Variants in MLLT10 observed in about 807,000 individuals in gnomAD.
MLLT10 encodes the protein protein AF-10.
MLLT10 carries 30 observed loss-of-function variants against 129.1 expected under a neutral mutation model. The observed-to-expected ratio is 0.23, with a 90% CI of 0.17 to 0.32. The LOEUF (loss-of-function observed/expected upper bound fraction) is 0.32, where lower values mean the gene tolerates loss of function less well. MLLT10 is among the 10% of genes least tolerant of loss of function. MLLT10 has a pLI of 1.00. For synonymous variants in MLLT10, 490 were observed against 446.4 expected, an observed-to-expected ratio of 1.10 and a Z score of -1.23; for missense variants, 1,119 against 1,268.3, an observed-to-expected ratio of 0.88 and a Z score of 1.79.
chr10:21,734,026 G>T lies in MLLT10; in HGVS notation c.2755G>T (p.Val919Phe), dbSNP rs753927618. ...TGGCATTGTAGGAGCTTTAAATGGG[G>T]TTATGCAGACTCCTGTCACAATGTC... ...INGIVGALNGVMQTPVTMSQN... is the reference protein window; with the variant it reads ...INGIVGALNGFMQTPVTMSQN... Residue 919 changes from valine (V) to phenylalanine (F), a missense_variant, in exon 20 of 23, where the codon GTT becomes TTT. Val to Phe is a conservative substitution (Grantham distance 50). Around this residue, in one of 5 missense-constraint regions of MLLT10, gnomAD observed 1,004 missense variants for 1,008.7 expected, o/e 1.00. Coordinates refer to ENST00000307729, the MANE Select transcript of MLLT10 (RefSeq NM_001195626.3). 6.2e-7 allele frequency: 1 copy of T among 1,614,124 alleles called. No homozygotes were observed. The highest frequency in any genetic ancestry group is 1.7e-5 in the Admixed American group (1 of 60,012).
At chr10:21,663,752 G>A (rs1242287338) in intron 9 of MLLT10, among the ~76,000 whole-genome samples, 1 of 152,024 alleles carries the variant, frequency 6.6e-6, no homozygotes, top group East Asian at 1.9e-4. Flanking sequence ...TTTTTTAGTA[G>A]AGACGGGGTT....
chr10:21,689,419 ATACT>A (rs1160903958), intron 13 of MLLT10, among the ~76,000 whole-genome samples: 1 of 151,462 alleles, frequency 6.6e-6, no homozygotes, highest in Non-Finnish European at 1.5e-5. Context: ...GTTTGACCTG[ATACT>A]TAAAGAATAT....
intron 8 of MLLT10, among the ~76,000 whole-genome samples, chr10:21,648,683 G>A (rs915417508): frequency 7.2e-5 from 11 of 152,170 alleles, no homozygotes; most frequent in Admixed American, 2.0e-4. Context: ...TTTGGTGTGT[G>A]TAGTTGCCCA....
intron 13 of MLLT10, among the ~76,000 whole-genome samples, chr10:21,690,715 C>T (rs975320376): frequency 1.3e-5 from 2 of 151,946 alleles, no homozygotes; most frequent in Non-Finnish European, 2.9e-5. Context: ...CTGCCTATTC[C>T]TTAACTATTA....
chr10:21,600,352 A>G (rs1267018550), intron 5 of MLLT10, among the ~76,000 whole-genome samples: 3 of 149,158 alleles, frequency 2.0e-5, no homozygotes, highest in South Asian at 2.1e-4. Context: ...ACAATATTGA[A>G]TCTTTCCTGA....
At chr10:21,708,968 C>G (rs1454251862) in intron 13 of MLLT10, among the ~76,000 whole-genome samples, 2 of 152,052 alleles carry the variant, frequency 1.3e-5, no homozygotes, top group Non-Finnish European at 2.9e-5. Flanking sequence ...CAAAATCTCA[C>G]AAAAAGTCTT....
intron 8 of MLLT10, among the ~76,000 whole-genome samples, chr10:21,620,661 T>C (rs1474687715): frequency 6.6e-6 from 1 of 151,956 alleles, no homozygotes; most frequent in Non-Finnish European, 1.5e-5. Flanking sequence ...ATATTTTTCT[T>C]TTTTTTTAAA....
chr10:21,682,036 G>A (rs1347236443), intron 12 of MLLT10, among the ~76,000 whole-genome samples, 189 bp from the exon 13 acceptor site: 1 of 152,168 alleles, frequency 6.6e-6, no homozygotes, highest in East Asian at 1.9e-4. Flanking sequence ...ATGTTGGCAA[G>A]TGGAATACAA....
At chr10:21,569,372 C>T (rs1564428595) in intron 3 of MLLT10, among the ~76,000 whole-genome samples, 1 of 151,706 alleles carries the variant, frequency 6.6e-6, no homozygotes, top group Non-Finnish European at 1.5e-5. Flanking sequence ...ATCCTCCCAC[C>T]TCAGCCTCCC....
At chr10:21,575,929 T>C (rs1475753002) in intron 3 of MLLT10, among the ~76,000 whole-genome samples, 1 of 152,082 alleles carries the variant, frequency 6.6e-6, no homozygotes, top group Non-Finnish European at 1.5e-5. Flanking sequence ...GTTGTTTGTT[T>C]GTTTGTTTTT....
At chr10:21,657,815 T>C (rs1339557148) in intron 9 of MLLT10, among the ~76,000 whole-genome samples, 1 of 152,170 alleles carries the variant, frequency 6.6e-6, no homozygotes, top group Non-Finnish European at 1.5e-5. Context: ...CTGTTAAATT[T>C]TGTACTGATT....
At chr10:21,677,269 A>T (rs906505937) in intron 11 of MLLT10, among the ~76,000 whole-genome samples, 3 of 152,226 alleles carry the variant, frequency 2.0e-5, no homozygotes, top group African/African-American at 7.2e-5. Flanking sequence ...TATTGGTATG[A>T]AAAGTTAATT....
intron 3 of MLLT10, among the ~76,000 whole-genome samples, chr10:21,562,325 GT>G (rs923493920): frequency 2.7e-5 from 4 of 146,122 alleles, no homozygotes; most frequent in African/African-American, 7.7e-5. Context: ...TTTTATTTTT[GT>G]TTTTTTATTT....
At position 21,646,137 on chromosome 10, in the gene MLLT10, C is replaced by T. The variant is rs1328809482; in HGVS notation, c.700-5536C>T. Among the ~76,000 whole-genome samples the T allele has an allele frequency of 2.0e-5, 3 of 152,032 alleles. No individual in the cohort carries two copies. The East Asian group carries it at 5.8e-4, about 29-fold the overall frequency. On this transcript the variant is annotated intron_variant, in intron 8 of 22. Transcript: ENST00000307729. Reference sequence around the variant, plus strand: ...ATGATAATTGCTTGAACCTGGGAGGCGGAGGTTGCAGGGAGTTGAGATCAC... The same window carrying T: ...ATGATAATTGCTTGAACCTGGGAGGTGGAGGTTGCAGGGAGTTGAGATCAC...
At chr10:21,602,332 C>A (rs1235365439) in intron 5 of MLLT10, among the ~76,000 whole-genome samples, 2 of 151,926 alleles carry the variant, frequency 1.3e-5, no homozygotes, top group Non-Finnish European at 2.9e-5. Flanking sequence ...CAGCTGGCTC[C>A]CCCGTTATAG....
intron 8 of MLLT10, among the ~76,000 whole-genome samples, chr10:21,622,749 C>T (rs1247329018): frequency 1.3e-5 from 2 of 152,194 alleles, no homozygotes; most frequent in Admixed American, 1.3e-4. Flanking sequence ...ACCCAATTCT[C>T]TGTGGACACC....
At chr10:21,556,733 CG>C (rs1171702834) in intron 3 of MLLT10, 3 of 1,611,890 alleles carry the variant, frequency 1.9e-6, no homozygotes, top group Admixed American at 1.7e-5. Context: ...TCCCCACCCC[CG>C]ATGCCTGGTG....
intron 14 of MLLT10, among the ~76,000 whole-genome samples, chr10:21,716,251 C>T (rs930599308): frequency 6.6e-6 from 1 of 152,206 alleles, no homozygotes; most frequent in African/African-American, 2.4e-5. Flanking sequence ...TCCTGTTTCA[C>T]TCTCATATAG....
At chr10:21,620,363 A>G (rs1465984196) in intron 8 of MLLT10, among the ~76,000 whole-genome samples, 1 of 152,212 alleles carries the variant, frequency 6.6e-6, no homozygotes, top group Admixed American at 6.5e-5. Context: ...CCCAATTTGA[A>G]ATGGTTTGAA....
Sources: allele counts gnomAD v4.1 joint callset (sites outside exome capture counted in the v4.1 genomes callset), GRCh38; gene constraint gnomAD v4.1.1; regional missense constraint gnomAD v4.1.1; transcripts MANE v1.5; gene names NCBI Gene and HGNC (gene_info 2026-07-23, HGNC 2026-07-21).